SLC20A1: variants seen among roughly 807,000 people sequenced by gnomAD.
The protein encoded by SLC20A1 is sodium-dependent phosphate transporter 1.
In SLC20A1, 28 loss-of-function variants were observed where a neutral mutation model predicts 62.7. That is an observed-to-expected ratio of 0.45 (90% confidence interval 0.33 to 0.61). SLC20A1 has a LOEUF of 0.61. SLC20A1 is among the 20% of genes least tolerant of loss of function. The pLI is 0.02. For synonymous variants in SLC20A1, 305 were observed against 302.9 expected (o/e 1.01, Z -0.07); for missense variants, 673 against 838.6 (o/e 0.80, Z 2.44).
rs545784460 is a variant in SLC20A1 at position 112,656,256 on chromosome 2, C to T, written c.659-866C>T. 4.4e-4 allele frequency among the ~76,000 whole-genome samples: 59 copies of T among 134,622 alleles called. No homozygotes were observed. In the South Asian group the frequency reaches 7.7e-3, roughly 18 times the overall value. The allele number at this position is 134,622 out of a possible 152,430, so 88.3% of individuals were successfully genotyped here. A position where few individuals can be genotyped will look rare whatever the true frequency, so the allele number is the denominator to read the frequency against. ...TGTCACCCAGGCTGGAGTGCAGTGG[C>T]GCAATCTCAGCTCACTGCAACCTCC... is the stretch of plus-strand genomic sequence containing the variant. On this transcript the variant is annotated intron_variant, in intron 5 of 10. Transcript: ENST00000272542.
intron 6 of SLC20A1, among the ~76,000 whole-genome samples, chr2:112,657,786 G>A (rs1455739152): frequency 6.6e-6 from 1 of 152,210 alleles, no homozygotes; most frequent in African/African-American, 2.4e-5. Context: ...AACACACATT[G>A]TGTGTCTGCT....
At chr2:112,655,362 C>T (rs745524336) in intron 5 of SLC20A1, among the ~76,000 whole-genome samples, 1 of 151,992 alleles carries the variant, frequency 6.6e-6, no homozygotes, top group Non-Finnish European at 1.5e-5. Flanking sequence ...GTTCAACCTT[C>T]AGTTATTTGA....
chr2:112,653,688 G>A (rs1001755033), intron 5 of SLC20A1, among the ~76,000 whole-genome samples: 14 of 151,412 alleles, frequency 9.2e-5, no homozygotes, highest in African/African-American at 2.7e-4. Context: ...ATTTGTTGTG[G>A]CCCACTGAAA....
chr2:112,656,421 G>A (rs180683943), intron 5 of SLC20A1, among the ~76,000 whole-genome samples: 280 of 151,804 alleles, frequency 1.8e-3, no homozygotes, highest in African/African-American at 6.4e-3. Flanking sequence ...GGCTGGTCTC[G>A]AACTCCTGAC....
At chr2:112,650,314 T>C (rs1402282252) in intron 4 of SLC20A1, among the ~76,000 whole-genome samples, 3 of 151,360 alleles carry the variant, frequency 2.0e-5, no homozygotes, top group African/African-American at 7.3e-5. Flanking sequence ...GTGGGAGTCT[T>C]GGGTTGGGTT....
chr2:112,656,464 G>A (rs369297798), intron 5 of SLC20A1, among the ~76,000 whole-genome samples: 1 of 152,142 alleles, frequency 6.6e-6, no homozygotes, highest in Admixed American at 6.5e-5. Flanking sequence ...GCCTCCCAAA[G>A]TGCTGGGATT....
intron 9 of SLC20A1, 55 bp downstream of exon 9, chr2:112,660,627 T>A (rs574439329): frequency 6.8e-7 from 1 of 1,477,698 alleles, no homozygotes. Context: ...TTCAGAGATA[T>A]AACACTGTCG....
intron 6 of SLC20A1, 148 bp from the exon 7 acceptor site, chr2:112,658,677 C>A: frequency 1.1e-6 from 1 of 883,834 alleles, no homozygotes; most frequent in Non-Finnish European, 1.7e-6. Context: ...AATGATAAAG[C>A]AGGCAGGAAA....
At chr2:112,649,277 T>A (rs982147542) in intron 4 of SLC20A1, among the ~76,000 whole-genome samples, 2 of 152,204 alleles carry the variant, frequency 1.3e-5, no homozygotes, top group Non-Finnish European at 2.9e-5. Flanking sequence ...ATGGGCATGA[T>A]CAAATGATGA....
chr2:112,661,024 T>C (rs1275520788), intron 9 of SLC20A1, 118 bp from the exon 10 acceptor site: 3 of 664,152 alleles, frequency 4.5e-6, no homozygotes, highest in East Asian at 5.1e-5. Flanking sequence ...AATAAAGATG[T>C]CAGTGGAGGT....
chr2:112,650,381 GGAATGCAGTGGCAC>G (rs1250345168), intron 4 of SLC20A1, among the ~76,000 whole-genome samples: 6 of 148,848 alleles, frequency 4.0e-5, no homozygotes, highest in Non-Finnish European at 8.9e-5. Context: ...TGCCCAGGCT[GGAATGCAGTGGCAC>G]GATCTGGGCT....
rs1339057740 is a variant in SLC20A1, at chr2:112,659,025, G to A, written c.979G>A (p.Ala327Thr). The A allele has an allele frequency of 6.2e-7, 1 of 1,614,204 alleles. No individual in the cohort carries two copies. Among genetic ancestry groups the A allele is most frequent in the South Asian group, 1.1e-5 (1 of 91,084 alleles). ...ATTCAAACTTGGAGATTTGGAGGAA[G>A]CTCCAGAGAGAGAGAGGCTTCCCAG... ...VSFKLGDLEE[A>T]PERERLPSVD... Residue 327 changes from alanine (A) to threonine (T), a missense_variant, in exon 7 of 11, where the codon GCT (alanine) becomes ACT (threonine). Transcript: ENST00000272542.
rs182187263 is a variant in SLC20A1, at chr2:112,660,458, C to G, written c.1679C>G (p.Thr560Arg). The change falls in exon 9 of 11, where the codon ACA becomes AGA. Residue 560 changes from threonine to arginine, a missense_variant. Physicochemically the swap from Thr to Arg is moderately conservative, Grantham distance 71. Transcript: ENST00000272542. Reference sequence around the variant, plus strand: ...GGAGATGTTTCTTCAAAAGTGGCAACACCAATATGGCTTCTACTCTATGGT... The same window carrying G: ...GGAGATGTTTCTTCAAAAGTGGCAAGACCAATATGGCTTCTACTCTATGGT... ...DTGDVSSKVA[T>R]PIWLLLYGGV... 1 of 1,614,156 alleles carries G rather than the reference C, an allele frequency of 6.2e-7. No homozygotes were observed. The highest frequency in any genetic ancestry group is 1.7e-5 in the Admixed American group (1 of 60,018).
chr2:112,646,807 T>C lies in SLC20A1; in HGVS notation c.-22T>C. Reference sequence around the variant, plus strand: ...GAAAGGCGCTCAGTAGTTCTCTTACTAAACAACCACTACTCCAGAGAATGG... The same window carrying C: ...GAAAGGCGCTCAGTAGTTCTCTTACCAAACAACCACTACTCCAGAGAATGG... On this transcript the variant is annotated 5_prime_UTR_variant, in exon 2 of 11. Coordinates refer to ENST00000272542, the MANE Select transcript of SLC20A1 (RefSeq NM_005415.5). 1 of 1,575,366 alleles carries C rather than the reference T, an allele frequency of 6.3e-7. No individual in the cohort carries two copies. The highest frequency in any genetic ancestry group is 8.7e-7 in the Non-Finnish European group (1 of 1,153,660).
intron 5 of SLC20A1, among the ~76,000 whole-genome samples, chr2:112,655,541 T>C (rs1321915582): frequency 2.2e-5 from 2 of 91,908 alleles, no homozygotes; most frequent in Non-Finnish European, 4.8e-5. Context: ...TTTTTTTTTT[T>C]ACCTTTTTTG....
At chr2:112,660,687 G>T in intron 9 of SLC20A1, 115 bp downstream of exon 9, 1 of 841,956 alleles carries the variant, frequency 1.2e-6, no homozygotes, top group South Asian at 2.1e-5. Context: ...AGTTCATGAT[G>T]TTCTTATTGT....
rs1686289951 is a variant in SLC20A1 at position 112,646,745 on chromosome 2, A to C, written c.-84A>C. The C allele has an allele frequency of 1.4e-6, 1 of 728,156 alleles. No homozygotes were observed. The highest frequency in any genetic ancestry group is 2.2e-6 in the Non-Finnish European group (1 of 454,918). 45.1% of individuals were successfully genotyped at this position (728,156 alleles called of 1,614,324 possible). A position where few individuals can be genotyped will look rare whatever the true frequency, so the allele number is the denominator to read the frequency against. On this transcript the variant is annotated 5_prime_UTR_variant, in exon 2 of 11. Coordinates refer to ENST00000272542, the MANE Select transcript of SLC20A1 (RefSeq NM_005415.5). ...TTATATAATATATATTATTTATTAT[A>C]GCATTTTTGATACCTCATATTCTGT...
intron 5 of SLC20A1, among the ~76,000 whole-genome samples, chr2:112,653,624 T>C (rs940540371): frequency 6.6e-6 from 1 of 152,078 alleles, no homozygotes; most frequent in Non-Finnish European, 1.5e-5. Context: ...ACTTAATGCT[T>C]ACTATGTGCT....
At chr2:112,655,571 T>G (rs1364290036) in intron 5 of SLC20A1, among the ~76,000 whole-genome samples, 6 of 151,508 alleles carry the variant, frequency 4.0e-5, no homozygotes, top group African/African-American at 1.5e-4. Flanking sequence ...GATGGGGTCT[T>G]GCTGTGTTGC....
Sources: gnomAD v4.1 joint callset for allele counts (sites outside exome capture counted in the v4.1 genomes callset) on GRCh38, gnomAD v4.1.1 for gene constraint, MANE v1.5 for transcripts, NCBI Gene and HGNC (gene_info 2026-07-23, HGNC 2026-07-21) for gene names.